The following PTP4A1 variants were observed in gnomAD, a reference collection of about 807,000 sequenced individuals.
PTP4A1 encodes the protein protein tyrosine phosphatase type IVA 1.
Under a neutral mutation model 20.5 loss-of-function variants are expected in PTP4A1, and 9 were observed. The observed-to-expected ratio is 0.44, with a 90% CI of 0.26 to 0.77. PTP4A1 has a LOEUF of 0.77. Ranked by LOEUF, PTP4A1 falls within the 30% of genes least tolerant of loss-of-function variation. The pLI is 0.19. For missense variants in PTP4A1, 137 were observed against 218.8 expected, an observed-to-expected ratio of 0.63 and a Z score of 2.36; for synonymous variants, 78 against 67.4, an observed-to-expected ratio of 1.16 and a Z score of -0.77.
intron 2 of PTP4A1, among the ~76,000 whole-genome samples, chr6:63,532,643 A>T (rs930893779): frequency 3.9e-5 from 6 of 152,200 alleles, no homozygotes; most frequent in African/African-American, 1.4e-4. Context: ...ACAGCTTTCA[A>T]CCGAAGAGCA....
chr6:63,553,717 C>T (rs529967420), intron 3 of PTP4A1, among the ~76,000 whole-genome samples: 1 of 152,036 alleles, frequency 6.6e-6, no homozygotes, highest in South Asian at 2.1e-4. Flanking sequence ...TGTATAGGAG[C>T]AGGAAAGGTA....
intron 2 of PTP4A1, among the ~76,000 whole-genome samples, chr6:63,531,010 A>G (rs1775433653): frequency 6.6e-6 from 1 of 152,204 alleles, no homozygotes; most frequent in Non-Finnish European, 1.5e-5. Flanking sequence ...CTATTCAACT[A>G]AATATAAGAA....
intron 2 of PTP4A1, among the ~76,000 whole-genome samples, chr6:63,534,863 AC>A (rs1193545323): frequency 9.4e-6 from 1 of 106,534 alleles, no homozygotes. Context: ...TAAATTCTTT[AC>A]TAAAGAATTT....
chr6:63,562,426 C>T (rs1341448568), intron 3 of PTP4A1, among the ~76,000 whole-genome samples: 4 of 152,032 alleles, frequency 2.6e-5, no homozygotes, highest in Non-Finnish European at 4.4e-5. Context: ...CTCGAACTCC[C>T]GACCTCAAGT....
At chr6:63,520,395 G>A (rs192739197), upstream of PTP4A1, among the ~76,000 whole-genome samples, 9 of 152,294 alleles carry the variant, frequency 5.9e-5, no homozygotes, top group African/African-American at 2.2e-4. Context: ...GGGAGACTGA[G>A]GCGGGCGGAT....
In PTP4A1 at chr6:63,580,259, A is replaced by T; in HGVS notation, c.*85A>T. On this transcript the variant is annotated 3_prime_UTR_variant, in exon 6 of 6. Transcript: ENST00000626021. ...ATATTAGCCAACATGTTGGCTTAGT[A>T]AGTCTAATGAAGCTTCCATAGGAGT... 1 of 1,093,230 alleles carries T rather than the reference A, an allele frequency of 9.1e-7. No homozygotes were observed. The highest frequency in any genetic ancestry group is 1.4e-6 in the Non-Finnish European group (1 of 724,508). The allele number at this position is 1,093,230 out of a possible 1,614,324, so 67.7% of individuals were successfully genotyped here. A position where few individuals can be genotyped will look rare whatever the true frequency, so the allele number is the denominator to read the frequency against.
At chr6:63,567,116 C>T (rs1055597829) in intron 3 of PTP4A1, among the ~76,000 whole-genome samples, 4 of 152,182 alleles carry the variant, frequency 2.6e-5, no homozygotes, top group East Asian at 1.9e-4. Flanking sequence ...AAGTCTTGAA[C>T]GCCCTCAAGG....
intron 1 of PTP4A1, among the ~76,000 whole-genome samples, chr6:63,575,528 T>C (rs1316951693): frequency 6.6e-6 from 1 of 152,172 alleles, no homozygotes; most frequent in Admixed American, 6.5e-5. Context: ...CATATTTGTT[T>C]ATATTTATTG....
At chr6:63,565,361 A>G (rs769761196) in intron 3 of PTP4A1, among the ~76,000 whole-genome samples, 19 of 152,128 alleles carry the variant, frequency 1.2e-4, no homozygotes, top group Non-Finnish European at 1.8e-4. Context: ...TTTATATTTA[A>G]ATTGATTACA....
chr6:63,557,384 G>A (rs1187036757), intron 3 of PTP4A1, among the ~76,000 whole-genome samples: 1 of 152,066 alleles, frequency 6.6e-6, no homozygotes, highest in Non-Finnish European at 1.5e-5. Context: ...TGGCCAACAT[G>A]GTGAAACCCT....
chr6:63,567,786 T>G (rs774490849), upstream of PTP4A1, among the ~76,000 whole-genome samples: 1 of 152,248 alleles, frequency 6.6e-6, no homozygotes, highest in South Asian at 2.1e-4. Flanking sequence ...TTTGTCTACA[T>G]TGAAAATCTG....
chr6:63,570,961 T>C (rs984400978), upstream of PTP4A1: 4 of 152,204 alleles, frequency 2.6e-5, no homozygotes, highest in Non-Finnish European at 4.4e-5. Context: ...CACCCAAGAT[T>C]TTTAAGCTTT....
At chr6:63,534,283 A>G (rs1775604053) in intron 2 of PTP4A1, among the ~76,000 whole-genome samples, 1 of 152,182 alleles carries the variant, frequency 6.6e-6, no homozygotes, top group Non-Finnish European at 1.5e-5. Context: ...AGAAAGCAAT[A>G]TGTTTTTCTA....
At chr6:63,577,409 A>G (rs963976529) in intron 2 of PTP4A1, among the ~76,000 whole-genome samples, 2 of 152,222 alleles carry the variant, frequency 1.3e-5, no homozygotes, top group Admixed American at 1.3e-4. Flanking sequence ...AATGGTAGCT[A>G]TGTAGCCAAA....
chr6:63,539,965 G>A (rs1368391611), intron 2 of PTP4A1, among the ~76,000 whole-genome samples: 1 of 152,166 alleles, frequency 6.6e-6, no homozygotes, highest in Admixed American at 6.5e-5. Flanking sequence ...GTGTTGGAGG[G>A]TTTGGGGGTG....
intron 1 of PTP4A1, among the ~76,000 whole-genome samples, chr6:63,524,511 T>C (rs1029798628): frequency 3.9e-5 from 6 of 152,084 alleles, no homozygotes; most frequent in Admixed American, 3.3e-4. Flanking sequence ...TTTTGAAAAA[T>C]ATGTATAATT....
At chr6:63,561,051 G>A (rs572134532) in intron 3 of PTP4A1, among the ~76,000 whole-genome samples, 8 of 152,284 alleles carry the variant, frequency 5.3e-5, no homozygotes, top group South Asian at 2.1e-4. Context: ...ATCAGAACAC[G>A]TAGGAAGCCA....
chr6:63,573,437 CA>C (rs1777621839), intron 1 of PTP4A1: 1 of 152,184 alleles, frequency 6.6e-6, no homozygotes, highest in African/African-American at 2.4e-5. Flanking sequence ...GAGCCTCAGA[CA>C]AAATGGCCTC....
chr6:63,518,686 TC>T (rs1300200728), upstream of PTP4A1, among the ~76,000 whole-genome samples: 2 of 152,200 alleles, frequency 1.3e-5, no homozygotes, highest in Admixed American at 6.5e-5. Context: ...AGCAAGCCAT[TC>T]AGCCTTCACA....
Sources: gnomAD v4.1 joint callset for allele counts (sites outside exome capture counted in the v4.1 genomes callset) on GRCh38, gnomAD v4.1.1 for gene constraint, MANE v1.5 for transcripts, NCBI Gene and HGNC (gene_info 2026-07-23, HGNC 2026-07-21) for gene names.